The following SLC1A1 variants were observed in gnomAD, a reference collection of about 807,000 sequenced individuals.
The protein encoded by SLC1A1 is solute carrier family 1 member 1, also known as excitatory amino acid transporter 3.
SLC1A1 carries 43 observed loss-of-function variants against 53.3 expected under a neutral mutation model. That is an observed-to-expected ratio of 0.81 (90% CI 0.63 to 1.04). The LOEUF is 1.04. Ranked by LOEUF, SLC1A1 falls within the 50% of genes least tolerant of loss-of-function variation. The pLI, the probability that SLC1A1 is intolerant of heterozygous loss-of-function variation, is 0.00. For missense variants in SLC1A1, 748 were observed against 664.9 expected (o/e 1.12, Z -1.37); for synonymous variants, 307 against 243.2 (o/e 1.26, Z -2.44).
At chr9:4,580,318 C>T (rs1182336122) in intron 10 of SLC1A1, among the ~76,000 whole-genome samples, 2 of 152,086 alleles carry the variant, frequency 1.3e-5, no homozygotes, top group African/African-American at 4.8e-5. Flanking sequence ...CAGAGGCTCA[C>T]ACCTGTAATA....
intron 11 of SLC1A1, among the ~76,000 whole-genome samples, chr9:4,584,953 G>C (rs946360228): frequency 6.6e-6 from 1 of 152,132 alleles, no homozygotes; most frequent in African/African-American, 2.4e-5. Flanking sequence ...GCCCACAATG[G>C]CATTTGCATT....
intron 1 of SLC1A1, among the ~76,000 whole-genome samples, chr9:4,541,169 G>T (rs1475470087): frequency 1.3e-5 from 2 of 152,138 alleles, no homozygotes; most frequent in African/African-American, 4.8e-5. Context: ...CACCGTTCAG[G>T]GAAATTGTTG....
In SLC1A1 at chr9:4,490,647, G is replaced by C; in HGVS notation, c.-33G>C. 1 of 1,596,636 alleles carries C rather than the reference G, an allele frequency of 6.3e-7. No individual in the cohort carries two copies. Among genetic ancestry groups the C allele is most frequent in the Non-Finnish European group, 8.6e-7 (1 of 1,166,228 alleles). ...CGGGTCGCCCAGCCCACGCGCGCAC[G>C]GCCGAGCCCAGCGCACAATAGCGGC... On this transcript the variant is annotated 5_prime_UTR_variant, in exon 1 of 12. Coordinates refer to ENST00000262352, the MANE Select transcript of SLC1A1 (RefSeq NM_004170.6).
chr9:4,492,270 G>A (rs964343952), intron 1 of SLC1A1, among the ~76,000 whole-genome samples: 1 of 152,118 alleles, frequency 6.6e-6, no homozygotes, highest in East Asian at 1.9e-4. Context: ...AGATGGCCTT[G>A]TTTGTTTTCC....
chr9:4,557,869 T>C (rs1181691852), intron 2 of SLC1A1, among the ~76,000 whole-genome samples: 1 of 152,174 alleles, frequency 6.6e-6, no homozygotes, highest in African/African-American at 2.4e-5. Context: ...AAAATGTAGA[T>C]TGAGATCCCA....
chr9:4,578,858 A>G (rs1161815612), intron 10 of SLC1A1, among the ~76,000 whole-genome samples: 1 of 152,218 alleles, frequency 6.6e-6, no homozygotes, highest in African/African-American at 2.4e-5. Context: ...ATAGGCTGGG[A>G]TTAGAGTTAA....
intron 9 of SLC1A1, 87 bp downstream of exon 9, chr9:4,576,210 C>T (rs898790880): frequency 1.7e-5 from 23 of 1,363,936 alleles, no homozygotes; most frequent in African/African-American, 1.0e-4. Context: ...CTCCAGCTTG[C>T]GGTTTTTGTA....
intron 9 of SLC1A1, 99 bp downstream of exon 9, chr9:4,576,222 C>A: frequency 8.2e-7 from 1 of 1,216,576 alleles, no homozygotes; most frequent in Non-Finnish European, 1.2e-6. Flanking sequence ...GTTTTTGTAG[C>A]TGTCTTTGAG....
At position 4,490,583 on chromosome 9, in the gene SLC1A1, A is replaced by C; in HGVS notation, c.-97A>C. 1 of 946,396 alleles carries C rather than the reference A, an allele frequency of 1.1e-6. No individual in the cohort carries two copies. Among genetic ancestry groups the C allele is most frequent in the Admixed American group, 2.0e-5 (1 of 49,588 alleles). 58.6% of individuals were successfully genotyped at this position (946,396 alleles called of 1,614,324 possible). ...GCCGGCTCTCACCTCTCCCCTGTGC[A>C]CCCGCATCTCGCCGCGCCGCCGAGC... On this transcript the variant is annotated 5_prime_UTR_variant, in exon 1 of 12. Coordinates refer to ENST00000262352, the MANE Select transcript of SLC1A1 (RefSeq NM_004170.6).
intron 7 of SLC1A1, among the ~76,000 whole-genome samples, chr9:4,572,632 C>A (rs920934710): frequency 6.6e-6 from 1 of 152,214 alleles, no homozygotes; most frequent in African/African-American, 2.4e-5. Flanking sequence ...ACTGCAGCCT[C>A]AACTTCCTGT....
At chr9:4,513,849 C>A (rs776117544) in intron 1 of SLC1A1, among the ~76,000 whole-genome samples, 6 of 152,188 alleles carry the variant, frequency 3.9e-5, no homozygotes, top group Non-Finnish European at 8.8e-5. Context: ...AAAACGTGAT[C>A]TATTCAGCAA....
At chr9:4,531,564 C>T (rs569539042) in intron 1 of SLC1A1, among the ~76,000 whole-genome samples, 25 of 152,134 alleles carry the variant, frequency 1.6e-4, no homozygotes, top group Non-Finnish European at 2.9e-4. Context: ...CCGGGAAGCT[C>T]GAACTGGGTG....
intron 1 of SLC1A1, among the ~76,000 whole-genome samples, chr9:4,537,814 G>A (rs1041945942): frequency 2.6e-5 from 4 of 151,968 alleles, no homozygotes; most frequent in Non-Finnish European, 4.4e-5. Context: ...GGAATTTTGG[G>A]GGGGTAATGG....
rs1424573795 is a variant in SLC1A1 at position 4,583,343 on chromosome 9, C to T, written c.1328+171C>T. On this transcript the variant is annotated intron_variant, in intron 11 of 11. Coordinates refer to ENST00000262352, the MANE Select transcript of SLC1A1 (RefSeq NM_004170.6). The surrounding 1 kb of genome is among the most constrained non-coding windows in gnomAD (Gnocchi z 4.6). Reference sequence around the variant, plus strand: ...TGATAACATGCCTAAAAATTAACTCCTCATAACGTGGAGCAGTGATTTTAA... The same window carrying T: ...TGATAACATGCCTAAAAATTAACTCTTCATAACGTGGAGCAGTGATTTTAA... Among the ~76,000 whole-genome samples, 1 of 152,184 alleles carries T rather than the reference C, an allele frequency of 6.6e-6. No individual in the cohort carries two copies. The highest frequency in any genetic ancestry group is 1.9e-4 in the East Asian group (1 of 5,196).
chr9:4,542,451 A>G (rs1175989961), intron 1 of SLC1A1, among the ~76,000 whole-genome samples: 1 of 152,224 alleles, frequency 6.6e-6, no homozygotes, highest in African/African-American at 2.4e-5. Flanking sequence ...AGAGATAATT[A>G]GAGGCACAGT....
In SLC1A1 at chr9:4,544,500, A is replaced by G. The variant is rs189880512; in HGVS notation, c.92-67A>G. The G allele has an allele frequency of 2.7e-5, 38 of 1,428,612 alleles. No individual in the cohort carries two copies. The Admixed American group carries it at 3.5e-4, about 13-fold the overall frequency. The allele number at this position is 1,428,612 out of a possible 1,614,324, so 88.5% of individuals were successfully genotyped here. A position where few individuals can be genotyped will look rare whatever the true frequency, so the allele number is the denominator to read the frequency against. On this transcript the variant is annotated intron_variant, in intron 1 of 11. Coordinates refer to ENST00000262352, the MANE Select transcript of SLC1A1 (RefSeq NM_004170.6). ...AATGTGCATTTGGGAGTATTTTTCC[A>G]TAGACATAGATACAGGAGAACTCAA... is the stretch of plus-strand genomic sequence containing the variant.
intron 1 of SLC1A1, among the ~76,000 whole-genome samples, chr9:4,542,935 G>C (rs1371362406): frequency 2.0e-5 from 3 of 152,160 alleles, no homozygotes; most frequent in Non-Finnish European, 4.4e-5. Flanking sequence ...ATTTAAAATT[G>C]TGTATTCACA....
In SLC1A1 at chr9:4,585,487, T is replaced by C. The variant is rs1336429282; in HGVS notation, c.1504T>C (p.Ser502Pro). 3 of 1,614,082 alleles carry C rather than the reference T, an allele frequency of 1.9e-6. No individual in the cohort carries two copies. The highest frequency in any genetic ancestry group is 2.5e-6 in the Non-Finnish European group (3 of 1,180,010). The part of the protein sequence containing the change: ...LDNEDSDTKK[S>P]YVNGGFAVDK... ...CAACGAAGACTCAGACACCAAGAAG[T>C]CTTATGTCAATGGAGGCTTTGCAGT... Residue 502 changes from serine (S) to proline (P), a missense_variant, in exon 12 of 12, where the codon TCT (serine) becomes CCT (proline). Physicochemically the swap from Ser to Pro is moderately conservative, Grantham distance 74. Transcript: ENST00000262352.
Position 4,549,597 on chromosome 9 carries a change from T to G in SLC1A1, c.232+4890T>G, listed in dbSNP as rs1817763117. 6.6e-6 allele frequency among the ~76,000 whole-genome samples: 1 copy of G among 152,158 alleles called. No individual in the cohort carries two copies. The stretch of plus-strand genomic sequence containing the variant: ...TTCCTGCACCCCAGATCCCAGAACC[T>G]GACACCAAGTTCTAAGAAGGAAAAA... On this transcript the variant is annotated intron_variant, in intron 2 of 11. Transcript: ENST00000262352. This position sits in a 1 kb window ranked among gnomAD's most constrained non-coding sequence, Gnocchi z 4.1.
Sources: allele counts gnomAD v4.1 joint callset (sites outside exome capture counted in the v4.1 genomes callset), GRCh38; gene constraint gnomAD v4.1.1; non-coding constraint Gnocchi (gnomAD v3.1); transcripts MANE v1.5; gene names NCBI Gene and HGNC (gene_info 2026-07-23, HGNC 2026-07-21).